Variants in PDGFRA observed in about 807,000 individuals in gnomAD.
The protein encoded by PDGFRA is platelet derived growth factor receptor alpha.
Under a neutral mutation model 121.5 loss-of-function variants are expected in PDGFRA, and 25 were observed. That is an observed-to-expected ratio of 0.21 (90% CI 0.15 to 0.29). The LOEUF is 0.29. Ranked by LOEUF, PDGFRA falls within the 10% of genes least tolerant of loss-of-function variation. The pLI, the probability that PDGFRA is intolerant of heterozygous loss-of-function variation, is 1.00. For missense variants in PDGFRA, 1,008 were observed against 1,345.1 expected (o/e 0.75, Z 3.92); for synonymous variants, 463 against 494.8 (o/e 0.94, Z 0.85).
At position 54,258,791 on chromosome 4, in the gene PDGFRA, T is replaced by A; in HGVS notation, c.23T>A (p.Phe8Tyr). MGTSHPA[F>Y]LVLGCLLTGL... ...GCTATGGGGACTTCCCATCCGGCGT[T>A]CCTGGTCTTAGGCTGTCTTCTCACA... The change falls in exon 2 of 23, where the codon TTC becomes TAC. Residue 8 changes from phenylalanine to tyrosine, a missense_variant. Phe to Tyr is a conservative substitution (Grantham distance 22). This residue lies in a region of PDGFRA where 575 missense variants were observed against 701.8 expected (regional missense o/e 0.82). Transcript: ENST00000257290. 1 of 1,613,892 alleles carries A rather than the reference T, an allele frequency of 6.2e-7. No individual in the cohort carries two copies. The highest frequency in any genetic ancestry group is 8.5e-7 in the Non-Finnish European group (1 of 1,179,722).
chr4:54,262,843 CCTGAAG>C (rs1722830058), intron 3 of PDGFRA, among the ~76,000 whole-genome samples: 2 of 152,078 alleles, frequency 1.3e-5, no homozygotes, highest in Non-Finnish European at 2.9e-5. Context: ...CACACGAGTC[CCTGAAG>C]TTTTAATCCG....
intron 9 of PDGFRA, among the ~76,000 whole-genome samples, chr4:54,273,119 A>G (rs912973510): frequency 6.6e-6 from 1 of 152,190 alleles, no homozygotes; most frequent in Non-Finnish European, 1.5e-5. Flanking sequence ...CAATCTGAGG[A>G]TCATCGCAAC....
At chr4:54,281,866 C>A (rs1724095564) in intron 16 of PDGFRA, 8 of 1,223,618 alleles carry the variant, frequency 6.5e-6, no homozygotes, top group Non-Finnish European at 8.3e-6. Context: ...GTCATTGGCA[C>A]TGATCTCTAA....
At position 54,295,335 on chromosome 4, in the gene PDGFRA, A is replaced by G; in HGVS notation, c.*63A>G. On this transcript the variant is annotated 3_prime_UTR_variant, in exon 23 of 23. Transcript: ENST00000257290. Reference sequence around the variant, plus strand: ...ACCTCTGGATCCCGTTCAGAAAACCACTTTATTGCAATGCAGAGGTTGAGA... The same window carrying G: ...ACCTCTGGATCCCGTTCAGAAAACCGCTTTATTGCAATGCAGAGGTTGAGA... 1 of 1,539,358 alleles carries G rather than the reference A, an allele frequency of 6.5e-7. No homozygotes were observed. Among genetic ancestry groups the G allele is most frequent in the Non-Finnish European group, 9.0e-7 (1 of 1,113,030 alleles).
intron 16 of PDGFRA, among the ~76,000 whole-genome samples, chr4:54,282,174 G>A (rs994949382): frequency 3.9e-5 from 6 of 152,086 alleles, no homozygotes; most frequent in East Asian, 3.9e-4. Flanking sequence ...TTGTGTGTGC[G>A]TGTATGTCTC....
chr4:54,283,418 C>G (rs555217864), intron 16 of PDGFRA, among the ~76,000 whole-genome samples: 1 of 152,346 alleles, frequency 6.6e-6, no homozygotes, highest in East Asian at 1.9e-4. Context: ...CAAGCTGCAC[C>G]TGAACTCCTT....
At chr4:54,236,773 A>AATGAGCTGAGATCATGCCATGCC (rs1721039527) in intron 1 of PDGFRA, among the ~76,000 whole-genome samples, 2 of 152,182 alleles carry the variant, frequency 1.3e-5, no homozygotes, top group South Asian at 4.1e-4. Context: ...ACTGCACTCC[A>AATGAGCTGAGATCATGCCATGCC]GCCCAGGCGG....
At chr4:54,232,939 C>G (rs922483133) in intron 1 of PDGFRA, among the ~76,000 whole-genome samples, 1 of 152,190 alleles carries the variant, frequency 6.6e-6, no homozygotes, top group Admixed American at 6.5e-5. Flanking sequence ...TCAGCATTCC[C>G]GGTGAGCCGC....
In PDGFRA at chr4:54,266,165, T is replaced by C. The variant is rs1395190150; in HGVS notation, c.759+1116T>C. Among the ~76,000 whole-genome samples, 7 of 152,322 alleles carry C rather than the reference T, an allele frequency of 4.6e-5. No homozygotes were observed. In the East Asian group the frequency reaches 1.4e-3, roughly 29 times the overall value. On this transcript the variant is annotated intron_variant, in intron 5 of 22. Coordinates refer to ENST00000257290, the MANE Select transcript of PDGFRA (RefSeq NM_006206.6). ...ACACATAAACACTGCTTTCTATTTA[T>C]AGGAGACAGCAATTTTTTTTTCCAA...
chr4:54,279,700 C>A (rs1328808448), intron 15 of PDGFRA, among the ~76,000 whole-genome samples: 2 of 152,108 alleles, frequency 1.3e-5, no homozygotes, highest in African/African-American at 4.8e-5. Flanking sequence ...TTATCCCTCA[C>A]CTGCCTCTCA....
chr4:54,234,612 G>C (rs1451959686), intron 1 of PDGFRA, among the ~76,000 whole-genome samples: 1 of 152,126 alleles, frequency 6.6e-6, no homozygotes, highest in East Asian at 1.9e-4. Context: ...TTTTTATTTC[G>C]TGGAAATTTG....
At chr4:54,233,834 CTGTT>C (rs757301806) in intron 1 of PDGFRA, among the ~76,000 whole-genome samples, 73 of 152,204 alleles carry the variant, frequency 4.8e-4, no homozygotes, top group Non-Finnish European at 9.4e-4. Context: ...CGGCCTGTTG[CTGTT>C]TGTTTGTTTT....
At chr4:54,294,781 G>A (rs1434744301) in intron 22 of PDGFRA, among the ~76,000 whole-genome samples, 2 of 152,160 alleles carry the variant, frequency 1.3e-5, no homozygotes, top group Non-Finnish European at 2.9e-5. Context: ...ACCCTGATGG[G>A]CCTGACTTCA....
chr4:54,297,506 C>T lies in PDGFRA; in HGVS notation c.*2234C>T, dbSNP rs1403690263. On this transcript the variant is annotated 3_prime_UTR_variant, in exon 23 of 23. Transcript: ENST00000257290. ...TCAAGCATTCTGTTTATCGCTCACTCTCCCTTGTACAGCCTTATTTTGTTG... is the reference window on the plus strand; with the variant it reads ...TCAAGCATTCTGTTTATCGCTCACTTTCCCTTGTACAGCCTTATTTTGTTG... 8.6e-6 allele frequency: 2 copies of T among 233,612 alleles called. No individual in the cohort carries two copies. The highest frequency in any genetic ancestry group is 1.7e-5 in the Non-Finnish European group (2 of 118,072). The allele number at this position is 233,612 out of a possible 1,614,324, so 14.5% of individuals were successfully genotyped here. A position where few individuals can be genotyped will look rare whatever the true frequency, so the allele number is the denominator to read the frequency against.
chr4:54,262,271 C>T (rs1007886315), intron 3 of PDGFRA, among the ~76,000 whole-genome samples: 59 of 151,930 alleles, frequency 3.9e-4, no homozygotes, highest in African/African-American at 1.4e-3. Context: ...CACTGTGTTG[C>T]CCAGGCTGGT....
chr4:54,248,519 A>G (rs1483789785), intron 1 of PDGFRA, among the ~76,000 whole-genome samples: 1 of 152,238 alleles, frequency 6.6e-6, no homozygotes, highest in Non-Finnish European at 1.5e-5. Flanking sequence ...CCATATGTAG[A>G]AAGCTGAAAC....
At chr4:54,260,478 C>T (rs1439099011) in intron 2 of PDGFRA, among the ~76,000 whole-genome samples, 1 of 140,416 alleles carries the variant, frequency 7.1e-6, no homozygotes, top group East Asian at 2.2e-4. Flanking sequence ...AGGCTGACTG[C>T]AACCTCAATC....
At chr4:54,231,958 C>T (rs1199012105) in intron 1 of PDGFRA, among the ~76,000 whole-genome samples, 1 of 152,194 alleles carries the variant, frequency 6.6e-6, no homozygotes, top group Non-Finnish European at 1.5e-5. Flanking sequence ...CGTCTGGCGC[C>T]GAGGCGGGCC....
chr4:54,245,333 A>G (rs1483435674), intron 1 of PDGFRA, among the ~76,000 whole-genome samples: 2 of 152,250 alleles, frequency 1.3e-5, no homozygotes, highest in East Asian at 1.9e-4. Context: ...GTTACCCACA[A>G]AGGGAAGCCC....
Sources: allele counts gnomAD v4.1 joint callset (sites outside exome capture counted in the v4.1 genomes callset), GRCh38; gene constraint gnomAD v4.1.1; regional missense constraint gnomAD v4.1.1; transcripts MANE v1.5; gene names NCBI Gene and HGNC (gene_info 2026-07-23, HGNC 2026-07-21).